Variants in ADAMTS6 observed in about 807,000 individuals in gnomAD.
ADAMTS6 encodes A disintegrin and metalloproteinase with thrombospondin motifs 6.
ADAMTS6 carries 23 observed loss-of-function variants against 144.3 expected under a neutral mutation model. The observed-to-expected ratio is 0.16, with a 90% CI of 0.11 to 0.23. The LOEUF (loss-of-function observed/expected upper bound fraction) is 0.23. Among genes scored for constraint, ADAMTS6 ranks in the 10% least tolerant of loss-of-function variants. The probability of loss-of-function intolerance (pLI) is 1.00; values close to 1 mark genes in which losing one functional copy is unlikely to be tolerated. For missense variants in ADAMTS6, 999 were observed against 1,379.6 expected (o/e 0.72, Z 4.37); for synonymous variants, 444 against 457.5 (o/e 0.97, Z 0.38).
At position 65,262,838 on chromosome 5, in the gene ADAMTS6, A is replaced by C; in HGVS notation, c.1745T>G (p.Leu582Arg). 6.4e-7 allele frequency: 1 copy of C among 1,559,842 alleles called. No individual in the cohort carries two copies. The highest frequency in any genetic ancestry group is 8.6e-7 in the Non-Finnish European group (1 of 1,158,506). ...RTCGGGVSSS[L>R]RHCDSPAPSG... The stretch of plus-strand genomic sequence containing the variant: ...TTACGCTGGACTGTCACAGTGTCTT[A>C]GGGATGAGGAGACGCCTCCCCCGCA... Residue 582 changes from leucine to arginine, a missense_variant, in exon 13 of 25, where the codon CTA becomes CGA. Around this residue, in one of 3 missense-constraint regions of ADAMTS6, gnomAD observed 619 missense variants for 837.0 expected, o/e 0.74. Transcript: ENST00000381055.
chr5:65,209,767 GT>G (rs1756369401), intron 20 of ADAMTS6, among the ~76,000 whole-genome samples: 1 of 152,152 alleles, frequency 6.6e-6, no homozygotes, highest in Non-Finnish European at 1.5e-5. Flanking sequence ...GATCTTTCTT[GT>G]TTTCTCTTTG....
intron 11 of ADAMTS6, among the ~76,000 whole-genome samples, chr5:65,286,204 A>T (rs1032566224): frequency 6.6e-6 from 1 of 152,242 alleles, no homozygotes; most frequent in Non-Finnish European, 1.5e-5. Context: ...GAAGTTTACA[A>T]GAACAACCTG....
At chr5:65,227,465 G>C (rs996349314) in intron 15 of ADAMTS6, among the ~76,000 whole-genome samples, 2 of 152,080 alleles carry the variant, frequency 1.3e-5, no homozygotes, top group Non-Finnish European at 2.9e-5. Context: ...ATTTTCTTTT[G>C]TAATTCTACT....
At chr5:65,406,123 T>C (rs1470820361) in intron 7 of ADAMTS6, among the ~76,000 whole-genome samples, 3 of 152,186 alleles carry the variant, frequency 2.0e-5, no homozygotes, top group African/African-American at 4.8e-5. Context: ...CTTTTCCTAA[T>C]TGAATACCCT....
intron 24 of ADAMTS6, among the ~76,000 whole-genome samples, chr5:65,152,301 T>G (rs949393989): frequency 7.9e-5 from 12 of 152,240 alleles, no homozygotes; most frequent in African/African-American, 2.9e-4. Flanking sequence ...AGCACTTTTA[T>G]TGCTTCTTTC....
At chr5:65,174,022 A>AAAC (rs1753793654) in intron 22 of ADAMTS6, among the ~76,000 whole-genome samples, 1 of 130,070 alleles carries the variant, frequency 7.7e-6, no homozygotes, top group African/African-American at 4.3e-5. Flanking sequence ...TTCTGTCTCA[A>AAAC]AAAAAAAAAA....
At chr5:65,480,398 T>C (rs906775313) in intron 1 of ADAMTS6, among the ~76,000 whole-genome samples, 25 of 151,946 alleles carry the variant, frequency 1.6e-4, no homozygotes, top group Non-Finnish European at 7.4e-5. Context: ...AAGTTAACAT[T>C]CAGCAGCCCA....
rs189095716 is a variant in ADAMTS6 at position 65,409,861 on chromosome 5, G to A, written c.1073+41614C>T. 3.1e-3 allele frequency among the ~76,000 whole-genome samples: 475 copies of A among 152,250 alleles called. 4 individuals are homozygous for A. The highest frequency in any genetic ancestry group is 0.011 in the African/African-American group (453 of 41,546). On this transcript the variant is annotated intron_variant, in intron 7 of 24. Coordinates refer to ENST00000381055, the MANE Select transcript of ADAMTS6 (RefSeq NM_197941.4). ...GTTCAACATATGCAAATCAATAAACGTAATCCATCATATAAACAGAACCAA... is the reference window on the plus strand; with the variant it reads ...GTTCAACATATGCAAATCAATAAACATAATCCATCATATAAACAGAACCAA...
intron 9 of ADAMTS6, among the ~76,000 whole-genome samples, chr5:65,313,903 C>G (rs1168817738): frequency 6.6e-6 from 1 of 152,066 alleles, no homozygotes; most frequent in Non-Finnish European, 1.5e-5. Flanking sequence ...AGAATACCTA[C>G]TACCACACAT....
intron 5 of ADAMTS6, 51 bp from the exon 6 acceptor site, chr5:65,452,267 G>A: frequency 6.5e-7 from 1 of 1,542,088 alleles, no homozygotes; most frequent in Non-Finnish European, 8.9e-7. Flanking sequence ...AAATTATAGG[G>A]TGATAGTTTG....
intron 3 of ADAMTS6, among the ~76,000 whole-genome samples, chr5:65,464,569 T>C (rs1759859731): frequency 6.6e-6 from 1 of 152,224 alleles, no homozygotes; most frequent in Non-Finnish European, 1.5e-5. Flanking sequence ...AAAGATGTGA[T>C]ATTTGCCCAC....
chr5:65,151,727 C>T lies in ADAMTS6; in HGVS notation c.*109G>A. 1 of 921,670 alleles carries T rather than the reference C, an allele frequency of 1.1e-6. No individual in the cohort carries two copies. Among genetic ancestry groups the T allele is most frequent in the Non-Finnish European group, 1.7e-6 (1 of 595,842 alleles). The allele number at this position is 921,670 out of a possible 1,614,324, so 57.1% of individuals were successfully genotyped here. A position where few individuals can be genotyped will look rare whatever the true frequency, so the allele number is the denominator to read the frequency against. On this transcript the variant is annotated 3_prime_UTR_variant, in exon 25 of 25. Transcript: ENST00000381055. ...GGCTGACCAGTGGTTACGTTTTCCA[C>T]AGGGTAATGCATTTGCAAGGACATC...
chr5:65,222,590 A>C (rs1400755842), intron 18 of ADAMTS6, among the ~76,000 whole-genome samples: 2 of 152,100 alleles, frequency 1.3e-5, no homozygotes, highest in African/African-American at 4.8e-5. Flanking sequence ...TCAAGTAAAT[A>C]AATAATTGTT....
At chr5:65,408,590 C>T (rs1436879137) in intron 7 of ADAMTS6, among the ~76,000 whole-genome samples, 2 of 152,204 alleles carry the variant, frequency 1.3e-5, no homozygotes, top group African/African-American at 4.8e-5. Flanking sequence ...GACAGATCAA[C>T]AAGACAGAAA....
chr5:65,339,455 C>CAAAAA (rs538468970), intron 7 of ADAMTS6, among the ~76,000 whole-genome samples: 12 of 108,664 alleles, frequency 1.1e-4, no homozygotes, highest in African/African-American at 3.6e-4. Flanking sequence ...ATAAAAAAAG[C>CAAAAA]AAAAAAAAAA....
In ADAMTS6 at chr5:65,151,533, G is replaced by C; in HGVS notation, c.*303C>G. 3.1e-6 allele frequency: 1 copy of C among 318,936 alleles called. No individual in the cohort carries two copies. Among genetic ancestry groups the C allele is most frequent in the Non-Finnish European group, 5.8e-6 (1 of 172,724 alleles). The allele number at this position is 318,936 out of a possible 1,614,324, so 19.8% of individuals were successfully genotyped here. On this transcript the variant is annotated 3_prime_UTR_variant, in exon 25 of 25. Transcript: ENST00000381055. ...TCTTAATGGTCCAAGGAGGTAAACA[G>C]GCTATTGGATTTACTCGAAAGAACA...
At chr5:65,264,704 C>T (rs1487690242) in intron 12 of ADAMTS6, among the ~76,000 whole-genome samples, 2 of 151,974 alleles carry the variant, frequency 1.3e-5, no homozygotes, top group African/African-American at 2.4e-5. Flanking sequence ...TTCCTCAGAC[C>T]CACTAGCCAC....
chr5:65,438,619 C>T (rs1580709593), intron 7 of ADAMTS6, among the ~76,000 whole-genome samples: 1 of 152,088 alleles, frequency 6.6e-6, no homozygotes, highest in Non-Finnish European at 1.5e-5. Flanking sequence ...ATAGTTGAAT[C>T]CATCTCCCAC....
chr5:65,478,051 T>TG (rs1329606449), intron 1 of ADAMTS6, among the ~76,000 whole-genome samples: 1 of 151,560 alleles, frequency 6.6e-6, no homozygotes, highest in East Asian at 1.9e-4. Context: ...CACCTGATCA[T>TG]GGGAGGTGGA....
Sources: allele counts gnomAD v4.1 joint callset (sites outside exome capture counted in the v4.1 genomes callset), GRCh38; gene constraint gnomAD v4.1.1; regional missense constraint gnomAD v4.1.1; transcripts MANE v1.5; gene names NCBI Gene and HGNC (gene_info 2026-07-23, HGNC 2026-07-21).